Variants in PLGRKT observed in about 807,000 individuals in gnomAD.
PLGRKT encodes plasminogen receptor (KT).
In PLGRKT, 22 loss-of-function variants were observed where a neutral mutation model predicts 18.5. The ratio of observed to expected loss-of-function variants is 1.19; its 90% CI spans 0.85 to 1.70. The LOEUF is 1.70. PLGRKT is among the 40% of genes most tolerant of loss of function. The probability of loss-of-function intolerance (pLI) is 0.00; values close to 1 mark genes in which losing one functional copy is unlikely to be tolerated. For synonymous variants in PLGRKT, 72 were observed against 52.8 expected, an observed-to-expected ratio of 1.36 and a Z score of -1.58; for missense variants, 235 against 174.4, an observed-to-expected ratio of 1.35 and a Z score of -1.96.
chr9:5,413,147 G>A (rs916936509), intron 3 of PLGRKT, among the ~76,000 whole-genome samples: 1 of 152,184 alleles, frequency 6.6e-6, no homozygotes, highest in Non-Finnish European at 1.5e-5. Context: ...CTTCTGAAGA[G>A]AAACGTAGCA....
intron 3 of PLGRKT, among the ~76,000 whole-genome samples, chr9:5,422,940 T>C (rs1253887814): frequency 6.6e-6 from 1 of 152,204 alleles, no homozygotes; most frequent in Non-Finnish European, 1.5e-5. Context: ...ATATCTTCAG[T>C]TAATTGCTTT....
intron 3 of PLGRKT, among the ~76,000 whole-genome samples, chr9:5,365,456 A>G (rs1817364482): frequency 6.6e-6 from 1 of 151,892 alleles, no homozygotes; most frequent in African/African-American, 2.4e-5. Context: ...TTATATACAT[A>G]CTCCTCCTCC....
chr9:5,436,389 T>A (rs2131187125), intron 2 of PLGRKT, among the ~76,000 whole-genome samples, 180 bp downstream of exon 2: 1 of 152,352 alleles, frequency 6.6e-6, no homozygotes, highest in South Asian at 2.1e-4. Context: ...GCTGCAAACA[T>A]TTATAAAGAA....
At chr9:5,402,391 C>T (rs756584082) in intron 3 of PLGRKT, among the ~76,000 whole-genome samples, 6 of 151,820 alleles carry the variant, frequency 4.0e-5, no homozygotes, top group African/African-American at 4.9e-5. Context: ...GGGAAGGAAA[C>T]AGTATTAACC....
intron 3 of PLGRKT, among the ~76,000 whole-genome samples, chr9:5,398,870 C>G (rs567634334): frequency 6.6e-6 from 1 of 151,882 alleles, no homozygotes; most frequent in East Asian, 1.9e-4. Context: ...CTAAAAGAAA[C>G]TGAGAACCAG....
chr9:5,379,388 GT>G (rs1817693067), intron 3 of PLGRKT, among the ~76,000 whole-genome samples: 1 of 152,134 alleles, frequency 6.6e-6, no homozygotes, highest in African/African-American at 2.4e-5. Context: ...GTTCAACATG[GT>G]AGCCACTAGC....
At chr9:5,360,293 G>T (rs2181146) in intron 5 of PLGRKT, among the ~76,000 whole-genome samples, 23,000 of 152,142 alleles carry the variant, frequency 0.15, 2,028 homozygotes, top group East Asian at 0.3. Context: ...TCTTCATCAA[G>T]TTTTAAAATC....
chr9:5,434,355 A>G (rs10739074), intron 2 of PLGRKT, among the ~76,000 whole-genome samples: 84,947 of 124,630 alleles, frequency 0.68, 27,479 homozygotes, highest in Non-Finnish European at 0.7. Context: ...GGTGAGGAGC[A>G]CCTCTGCCCG....
At chr9:5,376,152 G>C (rs1254954743) in intron 3 of PLGRKT, among the ~76,000 whole-genome samples, 1 of 152,146 alleles carries the variant, frequency 6.6e-6, no homozygotes, top group Non-Finnish European at 1.5e-5. Context: ...AATTAATAGA[G>C]AGAGACAGAA....
At chr9:5,404,142 C>A (rs1420310269) in intron 3 of PLGRKT, among the ~76,000 whole-genome samples, 1 of 152,096 alleles carries the variant, frequency 6.6e-6, no homozygotes, top group Non-Finnish European at 1.5e-5. Context: ...AACAGCCTAC[C>A]AACCAAAAAC....
intron 5 of PLGRKT, among the ~76,000 whole-genome samples, chr9:5,360,018 T>A (rs1817227955): frequency 6.6e-6 from 1 of 152,242 alleles, no homozygotes; most frequent in South Asian, 2.1e-4. Context: ...GTAGCCAGCC[T>A]ATGTTGCAGC....
rs560038444 is a variant in PLGRKT at position 5,421,382 on chromosome 9, T to G, written c.81+10515A>C. Among the ~76,000 whole-genome samples the G allele has an allele frequency of 2.0e-4, 30 of 152,330 alleles. 2 individuals carry two copies. The South Asian group carries it at 5.8e-3, about 29-fold the overall frequency. On this transcript the variant is annotated intron_variant, in intron 3 of 5. Transcript: ENST00000223864. ...ATGGGGTTTCCCATTCACCCACCCA[T>G]GGTCTCCCATCATCATCCCTTACCC...
chr9:5,392,806 GGATT>G (rs1389366060), intron 3 of PLGRKT, among the ~76,000 whole-genome samples: 6 of 151,218 alleles, frequency 4.0e-5, no homozygotes, highest in Non-Finnish European at 7.4e-5. Context: ...TTAAATTTCC[GGATT>G]GATTTTTATT....
Position 5,393,002 on chromosome 9 carries a change from C to T in PLGRKT, c.82-31114G>A, listed in dbSNP as rs537783303. Among the ~76,000 whole-genome samples the T allele has an allele frequency of 1.1e-4, 17 of 151,520 alleles. No homozygotes were observed. The South Asian group carries it at 2.3e-3, about 20-fold the overall frequency. ...GATTACAGGTGTGTGCCACCACACC[C>T]GGCTAATTTTTGTATTTTTATTAGA... On this transcript the variant is annotated intron_variant, in intron 3 of 5. Transcript: ENST00000223864.
chr9:5,361,269 CCTG>C, intron 4 of PLGRKT, 82 bp from the exon 5 acceptor site: 6 of 726,792 alleles, frequency 8.3e-6, no homozygotes, highest in Non-Finnish European at 9.3e-6. Flanking sequence ...AAAAAAAATA[CCTG>C]CTTTTTGGAA....
Position 5,418,846 on chromosome 9 carries a change from C to A in PLGRKT, c.81+13051G>T. ...CCAGGGGCATCGCACATCCTTCTGG[C>A]TGGTCCTCGTCTGCTGGAGGCAAAC... is the stretch of plus-strand genomic sequence containing the variant. On this transcript the variant is annotated intron_variant, in intron 3 of 5. Coordinates refer to ENST00000223864, the MANE Select transcript of PLGRKT (RefSeq NM_018465.4). This position sits in a 1 kb window ranked among gnomAD's most constrained non-coding sequence, Gnocchi z 4.2. 1.9e-6 allele frequency: 2 copies of A among 1,071,952 alleles called. No homozygotes were observed. Among genetic ancestry groups the A allele is most frequent in the Admixed American group, 1.8e-5 (1 of 56,600 alleles). 66.4% of individuals were successfully genotyped at this position (1,071,952 alleles called of 1,614,324 possible).
chr9:5,387,748 C>T (rs1817872371), intron 3 of PLGRKT, among the ~76,000 whole-genome samples: 1 of 151,662 alleles, frequency 6.6e-6, no homozygotes, highest in Non-Finnish European at 1.5e-5. Flanking sequence ...TCAAGCTGTA[C>T]TCTTAAGATT....
rs893709469 is a variant in PLGRKT, at chr9:5,359,539, G to A, written c.323-1179C>T. ...TGATGACAGACTAGATGTTTTCCAC[G>A]TGAGAGAGCCTTTCTTCCAGTTGGT... On this transcript the variant is annotated intron_variant, in intron 5 of 5. Coordinates refer to ENST00000223864, the MANE Select transcript of PLGRKT (RefSeq NM_018465.4). Among the ~76,000 whole-genome samples the A allele has an allele frequency of 3.9e-5, 6 of 152,242 alleles. No individual in the cohort carries two copies. In the South Asian group the frequency reaches 1.0e-3, roughly 26 times the overall value.
chr9:5,409,061 T>C (rs1818310803), intron 3 of PLGRKT, among the ~76,000 whole-genome samples: 1 of 152,224 alleles, frequency 6.6e-6, no homozygotes, highest in Non-Finnish European at 1.5e-5. Context: ...AGAAGCCTGC[T>C]GCAGGGGGAG....
Sources: allele counts gnomAD v4.1 joint callset (sites outside exome capture counted in the v4.1 genomes callset), GRCh38; gene constraint gnomAD v4.1.1; non-coding constraint Gnocchi (gnomAD v3.1); transcripts MANE v1.5; gene names NCBI Gene and HGNC (gene_info 2026-07-23, HGNC 2026-07-21).